The following GDF10 variants were observed in gnomAD, a reference collection of about 807,000 sequenced individuals.
The protein encoded by GDF10 is growth differentiation factor 10.
Under a neutral mutation model 32.1 loss-of-function variants are expected in GDF10, and 23 were observed. That is an observed-to-expected ratio of 0.72 (90% CI 0.52 to 1.02). The LOEUF (loss-of-function observed/expected upper bound fraction) is 1.02, where lower values mean the gene tolerates loss of function less well. GDF10 is among the 50% of genes least tolerant of loss of function. GDF10 has a pLI of 0.00. For synonymous variants in GDF10, 328 were observed against 303.1 expected (o/e 1.08, Z -0.85); for missense variants, 764 against 673.9 (o/e 1.13, Z -1.48).
intron 1 of GDF10, 78 bp from the exon 2 acceptor site, chr10:47,309,718 C>T: frequency 1.1e-6 from 1 of 911,406 alleles, no homozygotes; most frequent in Admixed American, 2.3e-5. Flanking sequence ...TGGGCGTTTG[C>T]TCCTCCAGCC....
At chr10:47,308,803 C>T (rs1555207319) in intron 1 of GDF10, among the ~76,000 whole-genome samples, 1 of 152,186 alleles carries the variant, frequency 6.6e-6, no homozygotes, top group Admixed American at 6.5e-5. Context: ...CCAGGAAAGA[C>T]TCCCCACTCC....
intron 1 of GDF10, among the ~76,000 whole-genome samples, chr10:47,304,144 G>C (rs917618387): frequency 3.9e-5 from 6 of 152,200 alleles, no homozygotes; most frequent in East Asian, 1.9e-4. Flanking sequence ...GCCTTAGCCA[G>C]GTGCGGAAGT....
chr10:47,300,719 T>G lies in GDF10; in HGVS notation c.68T>G (p.Leu23Trp). ...GPQLLLLLLP[L>W]FLLLLRDVAG... is the part of the protein sequence containing the mutation. ...CAGCTGCTGCTGCTGCTGCTGCCGT[T>G]GTTTCTGCTGTTGCTCCGGGATGTG... Residue 23 changes from leucine (L) to tryptophan (W), a missense_variant, in exon 1 of 3, where the codon TTG becomes TGG. Leu to Trp is a moderately conservative substitution (Grantham distance 61). Coordinates refer to ENST00000580279, the MANE Select transcript of GDF10 (RefSeq NM_004962.5). The G allele has an allele frequency of 6.3e-7, 1 of 1,588,162 alleles. No homozygotes were observed. Among genetic ancestry groups the G allele is most frequent in the Non-Finnish European group, 8.5e-7 (1 of 1,170,332 alleles).
rs934843412 is a variant in GDF10, at chr10:47,313,393, A to G, written c.*601A>G. On this transcript the variant is annotated 3_prime_UTR_variant, in exon 3 of 3. Coordinates refer to ENST00000580279, the MANE Select transcript of GDF10 (RefSeq NM_004962.5). ...CGTTGACACCATTCCCCACAGAGAT[A>G]GTCATGCTGAGTGTGGGTTGTTTAA... The G allele has an allele frequency of 2.6e-5, 4 of 152,552 alleles. No individual in the cohort carries two copies. Among genetic ancestry groups the G allele is most frequent in the African/African-American group, 9.6e-5 (4 of 41,462 alleles). 9.4% of individuals were successfully genotyped at this position (152,552 alleles called of 1,614,324 possible).
intron 2 of GDF10, 27 bp downstream of exon 2, chr10:47,310,748 A>G (rs2061043381): frequency 6.6e-7 from 1 of 1,508,234 alleles, no homozygotes; most frequent in African/African-American, 1.4e-5. Flanking sequence ...CTTTTGCCAA[A>G]TTCTAAGGCT....
chr10:47,309,993 C>G lies in GDF10; in HGVS notation c.517C>G (p.Leu173Val), dbSNP rs1555207441. Residue 173 changes from leucine to valine, a missense_variant, in exon 2 of 3, where the codon CTC becomes GTC. By Grantham distance (32) the Leu-to-Val change is conservative. Transcript: ENST00000580279. ...PLGPPTRQHL[L>V]FRSLSQNTAT... Reference sequence around the variant, plus strand: ...GGGCCCGCCCACACGCCAGCACCTGCTCTTCCGCAGCCTCTCGCAGAACAC... The same window carrying G: ...GGGCCCGCCCACACGCCAGCACCTGGTCTTCCGCAGCCTCTCGCAGAACAC... The G allele has an allele frequency of 3.1e-6, 5 of 1,610,886 alleles. No individual in the cohort carries two copies. In the Admixed American group the frequency reaches 8.3e-5, roughly 27 times the overall value.
rs1227944079 is a variant in GDF10, at chr10:47,312,819, C to T, written c.*27C>T. 1.0e-5 allele frequency: 15 copies of T among 1,470,120 alleles called. No homozygotes were observed. The highest frequency in any genetic ancestry group is 4.3e-5 in the African/African-American group (3 of 70,374). 91.1% of individuals were successfully genotyped at this position (1,470,120 alleles called of 1,614,324 possible). On this transcript the variant is annotated 3_prime_UTR_variant, in exon 3 of 3. Coordinates refer to ENST00000580279, the MANE Select transcript of GDF10 (RefSeq NM_004962.5). ...ACCACTCCAGGGTGGAAAGAAGCCACGCCCAGCAGAGCTGCCTTCTCGGAG... is the reference window on the plus strand; with the variant it reads ...ACCACTCCAGGGTGGAAAGAAGCCATGCCCAGCAGAGCTGCCTTCTCGGAG...
At chr10:47,303,017 G>A (rs2061009891) in intron 1 of GDF10, among the ~76,000 whole-genome samples, 1 of 152,222 alleles carries the variant, frequency 6.6e-6, no homozygotes, top group Admixed American at 6.5e-5. Context: ...CAGGTTTTGT[G>A]CTTTGCATAC....
At position 47,312,585 on chromosome 10, in the gene GDF10, C is replaced by G; in HGVS notation, c.1246-16C>G. On this transcript the variant is annotated splice_polypyrimidine_tract_variant and intron_variant, in intron 2 of 2. Transcript: ENST00000580279. ...GGGCGGAGCTGAGGTAACCCTACTC[C>G]TTTTCTGCCTTGCAGATCGTTCGTC... 1.9e-6 allele frequency: 3 copies of G among 1,558,354 alleles called. No individual in the cohort carries two copies. Among genetic ancestry groups the G allele is most frequent in the Non-Finnish European group, 2.6e-6 (3 of 1,147,902 alleles).
Position 47,313,420 on chromosome 10 carries a change from C to T in GDF10, c.*628C>T, listed in dbSNP as rs1555207953. On this transcript the variant is annotated 3_prime_UTR_variant, in exon 3 of 3. Coordinates refer to ENST00000580279, the MANE Select transcript of GDF10 (RefSeq NM_004962.5). ...TCATGCTGAGTGTGGGTTGTTTAAA[C>T]ATGCATATTGAAATAACACATATAG... 1.3e-5 allele frequency: 2 copies of T among 152,500 alleles called. No homozygotes were observed. The highest frequency in any genetic ancestry group is 2.9e-5 in the Non-Finnish European group (2 of 68,018). The allele number at this position is 152,500 out of a possible 1,614,324, so 9.4% of individuals were successfully genotyped here.
At position 47,300,878 on chromosome 10, in the gene GDF10, C is replaced by T; in HGVS notation, c.227C>T (p.Ala76Val). The change falls in exon 1 of 3, where the codon GCT becomes GTT. Residue 76 changes from alanine (A) to valine (V), a missense_variant. Transcript: ENST00000580279. The part of the protein sequence containing the change: ...TLGPSAQDMV[A>V]VHMHRLYEKY... Reference sequence around the variant, plus strand: ...GGCCCCAGCGCCCAGGACATGGTCGCTGTCCACATGCACAGGCTCTATGAG... The same window carrying T: ...GGCCCCAGCGCCCAGGACATGGTCGTTGTCCACATGCACAGGCTCTATGAG... 1 of 1,588,982 alleles carries T rather than the reference C, an allele frequency of 6.3e-7. No individual in the cohort carries two copies. Among genetic ancestry groups the T allele is most frequent in the Non-Finnish European group, 8.5e-7 (1 of 1,175,602 alleles).
chr10:47,312,497 G>T lies in GDF10; in HGVS notation c.1246-104G>T, dbSNP rs2061050220. The T allele has an allele frequency of 4.4e-5, 26 of 587,482 alleles. 1 individual carries two copies. In the South Asian group the frequency reaches 8.3e-4, roughly 19 times the overall value. 36.4% of individuals were successfully genotyped at this position (587,482 alleles called of 1,614,324 possible). A position where few individuals can be genotyped will look rare whatever the true frequency, so the allele number is the denominator to read the frequency against. ...ATGCCTATTCTGTGGCCTCAGCCGG[G>T]GAACAACAGCAGAGCAGTATGGCCT... On this transcript the variant is annotated intron_variant, in intron 2 of 2. Transcript: ENST00000580279.
intron 1 of GDF10, among the ~76,000 whole-genome samples, chr10:47,308,526 C>T (rs2061031134): frequency 6.6e-6 from 1 of 151,858 alleles, no homozygotes; most frequent in Non-Finnish European, 1.5e-5. Context: ...CCAACAGAAA[C>T]AAAGAAGAGA....
Position 47,300,768 on chromosome 10 carries a change from C to T in GDF10, c.117C>T (p.Ala39=). 2 of 1,569,172 alleles carry T rather than the reference C, an allele frequency of 1.3e-6. No homozygotes were observed. Among genetic ancestry groups the T allele is most frequent in the Non-Finnish European group, 1.7e-6 (2 of 1,161,938 alleles). ...RDVAGSHRAP[A]WSALPAAADG... ...TGGCCGGCAGCCACAGGGCCCCCGC[C>T]TGGTCCGCACTGCCCGCGGCCGCCG... Residue 39 remains alanine, a synonymous_variant, in exon 1 of 3, where the codon GCC becomes GCT. Coordinates refer to ENST00000580279, the MANE Select transcript of GDF10 (RefSeq NM_004962.5).
At chr10:47,306,527 G>A (rs1405296733) in intron 1 of GDF10, among the ~76,000 whole-genome samples, 1 of 152,234 alleles carries the variant, frequency 6.6e-6, no homozygotes, top group Non-Finnish European at 1.5e-5. Context: ...AAGCCTTATG[G>A]TGAGGTCTAG....
rs1555207901 is a variant in GDF10 at position 47,312,739 on chromosome 10, G to A, written c.1384G>A (p.Val462Met). The A allele has an allele frequency of 6.2e-7, 1 of 1,606,670 alleles. No individual in the cohort carries two copies. Among genetic ancestry groups the A allele is most frequent in the Non-Finnish European group, 8.5e-7 (1 of 1,176,288 alleles). The change falls in exon 3 of 3, where the codon GTG (valine) becomes ATG (methionine). Residue 462 changes from valine to methionine, a missense_variant. Val to Met is a conservative substitution (Grantham distance 21). Transcript: ENST00000580279. ...GVLFLDENRN[V>M]VLKVYPNMSV... is the part of the protein sequence containing the mutation. The stretch of plus-strand genomic sequence containing the variant: ...CCTCTTCCTGGATGAGAATCGGAAT[G>A]TGGTTCTGAAGGTGTACCCCAACAT...
intron 1 of GDF10, among the ~76,000 whole-genome samples, chr10:47,306,802 A>G (rs1243664080): frequency 6.6e-6 from 1 of 152,082 alleles, no homozygotes; most frequent in Admixed American, 6.6e-5. Context: ...AGCGTGAGGC[A>G]CAGTCCTGAG....
chr10:47,300,394 G>C lies in GDF10; in HGVS notation c.-258G>C. 2.6e-6 allele frequency: 1 copy of C among 380,766 alleles called. No homozygotes were observed. Among genetic ancestry groups the C allele is most frequent in the East Asian group, 3.9e-5 (1 of 25,550 alleles). The allele number at this position is 380,766 out of a possible 1,614,324, so 23.6% of individuals were successfully genotyped here. A position where few individuals can be genotyped will look rare whatever the true frequency, so the allele number is the denominator to read the frequency against. ...GTCCGCCAAGGCAGCGCGCCGACTC[G>C]GGCTCGGCTCGGCTCTGCGCTGCTC... is the stretch of plus-strand genomic sequence containing the variant. On this transcript the variant is annotated 5_prime_UTR_variant, in exon 1 of 3. Transcript: ENST00000580279.
At chr10:47,304,043 G>A (rs1379518753) in intron 1 of GDF10, among the ~76,000 whole-genome samples, 7 of 152,174 alleles carry the variant, frequency 4.6e-5, no homozygotes, top group Non-Finnish European at 1.0e-4. Flanking sequence ...GCCCAAAGGC[G>A]CACTGACCTG....
Sources: gnomAD v4.1 joint callset for allele counts (sites outside exome capture counted in the v4.1 genomes callset) on GRCh38, gnomAD v4.1.1 for gene constraint, MANE v1.5 for transcripts, NCBI Gene and HGNC (gene_info 2026-07-23, HGNC 2026-07-21) for gene names.